Variants in CSMD1 observed in about 807,000 individuals in gnomAD.
The protein encoded by CSMD1 is CUB and sushi domain-containing protein 1.
CSMD1 carries 213 observed loss-of-function variants against 417.5 expected under a neutral mutation model. The observed-to-expected ratio is 0.51, with a 90% CI of 0.46 to 0.57. CSMD1 has a LOEUF of 0.57. Ranked by LOEUF, CSMD1 falls within the 20% of genes least tolerant of loss-of-function variation. The probability of loss-of-function intolerance (pLI) is 0.00; values close to 1 mark genes in which losing one functional copy is unlikely to be tolerated. For synonymous variants in CSMD1, 2,862 were observed against 1,736.8 expected (o/e 1.65, Z -16.11); for missense variants, 6,923 against 4,529.7 (o/e 1.53, Z -15.17).
chr8:4,444,047 G>A (rs561451073), intron 2 of CSMD1, among the ~76,000 whole-genome samples: 2 of 152,124 alleles, frequency 1.3e-5, no homozygotes, highest in African/African-American at 2.4e-5. Flanking sequence ...TTTGAGAAGA[G>A]TAAGATAGAG....
chr8:3,103,508 A>G (rs1373127033), intron 46 of CSMD1, among the ~76,000 whole-genome samples: 2 of 152,032 alleles, frequency 1.3e-5, no homozygotes, highest in Admixed American at 6.6e-5. Context: ...ACTCATCTCA[A>G]CATTGAAAAG....
intron 23 of CSMD1, among the ~76,000 whole-genome samples, chr8:3,321,771 T>C (rs552893500): frequency 6.6e-6 from 1 of 152,060 alleles, no homozygotes; most frequent in Non-Finnish European, 1.5e-5. Flanking sequence ...CAAAGTTAAC[T>C]GTATTTTCTA....
In CSMD1 at chr8:2,955,598, C is replaced by A. The variant is rs866383695; in HGVS notation, c.9985G>T (p.Val3329Leu). ...ADMKWTGKSP[V>L]CKSKGVREVN... Reference sequence around the variant, plus strand: ...TTGATCAATGACTTACTTTTACACACAGGCGACTTTCCTGTCCATTTCATG... The same window carrying A: ...TTGATCAATGACTTACTTTTACACAAAGGCGACTTTCCTGTCCATTTCATG... The change falls in exon 64 of 70, where the codon GTG becomes TTG. Residue 3329 changes from valine to leucine, a missense_variant. By Grantham distance (32) the Val-to-Leu change is conservative (BLOSUM62 1). Transcript: ENST00000635120. 6.2e-7 allele frequency: 1 copy of A among 1,613,526 alleles called. No individual in the cohort carries two copies. Among genetic ancestry groups the A allele is most frequent in the African/African-American group, 1.3e-5 (1 of 75,032 alleles).
At chr8:4,354,897 T>TGTGTGTGTGC (rs1801317759) in intron 3 of CSMD1, among the ~76,000 whole-genome samples, 1 of 150,312 alleles carries the variant, frequency 6.7e-6, no homozygotes, top group Non-Finnish European at 1.5e-5. Context: ...TGTGTGTGTG[T>TGTGTGTGTGC]GTGTGTGTGT....
rs6996291 is a variant in CSMD1 at position 4,790,803 on chromosome 8, C to G, written c.86-153245G>C. Among the ~76,000 whole-genome samples the G allele has an allele frequency of 6.6e-3, 1,012 of 152,258 alleles. 17 individuals carry two copies. The highest frequency in any genetic ancestry group is 0.024 in the African/African-American group (977 of 41,542). ...ATATGCAGAAGACCAAAACTAAATT[C>G]CTACCTTTCACCATATAAGAAAATC... is the stretch of plus-strand genomic sequence containing the variant. On this transcript the variant is annotated intron_variant, in intron 1 of 69. Transcript: ENST00000635120.
chr8:4,397,002 C>T (rs1012065914), intron 3 of CSMD1, among the ~76,000 whole-genome samples: 27 of 151,898 alleles, frequency 1.8e-4, no homozygotes, highest in African/African-American at 6.0e-4. Context: ...AACCAAACAC[C>T]ATCTGTTCCC....
At position 3,581,280 on chromosome 8, in the gene CSMD1, G is replaced by A. The variant is rs138299406; in HGVS notation, c.1222+4856C>T. ...ATACTCATACAGTTTTAAACAGCTCGTAATGTCTTACCCTGCAAAAAATCA... is the reference window on the plus strand; with the variant it reads ...ATACTCATACAGTTTTAAACAGCTCATAATGTCTTACCCTGCAAAAAATCA... On this transcript the variant is annotated intron_variant, in intron 9 of 69. Coordinates refer to ENST00000635120, the MANE Select transcript of CSMD1 (RefSeq NM_033225.6). Among the ~76,000 whole-genome samples the A allele has an allele frequency of 7.3e-3, 1,109 of 152,250 alleles. 14 individuals are homozygous for A. Among genetic ancestry groups the A allele is most frequent in the African/African-American group, 0.024 (978 of 41,550 alleles).
rs564497655 is a variant in CSMD1, at chr8:4,521,027, G to T, written c.303-100962C>A. ...GTTGCCCACTGCTGTTTCAACCATCGCATATAAAATTACTTACAGTCAGAA... is the reference window on the plus strand; with the variant it reads ...GTTGCCCACTGCTGTTTCAACCATCTCATATAAAATTACTTACAGTCAGAA... On this transcript the variant is annotated intron_variant, in intron 2 of 69. Coordinates refer to ENST00000635120, the MANE Select transcript of CSMD1 (RefSeq NM_033225.6). 7.2e-5 allele frequency among the ~76,000 whole-genome samples: 11 copies of T among 152,064 alleles called. No individual in the cohort carries two copies. In the South Asian group the frequency reaches 2.3e-3, roughly 32 times the overall value.
At chr8:3,871,555 G>C (rs1324823959) in intron 5 of CSMD1, among the ~76,000 whole-genome samples, 4 of 151,950 alleles carry the variant, frequency 2.6e-5, no homozygotes, top group Non-Finnish European at 4.4e-5. Context: ...AGTCTATTAG[G>C]TTATTATTAT....
At chr8:3,783,949 C>G (rs148908316) in intron 5 of CSMD1, among the ~76,000 whole-genome samples, 7 of 152,316 alleles carry the variant, frequency 4.6e-5, no homozygotes, top group South Asian at 2.1e-4. Flanking sequence ...TGCGATTTAC[C>G]TATTACCTGC....
At chr8:4,365,044 T>C (rs988557840) in intron 3 of CSMD1, among the ~76,000 whole-genome samples, 1 of 152,166 alleles carries the variant, frequency 6.6e-6, no homozygotes, top group African/African-American at 2.4e-5. Flanking sequence ...TCTCTTTCAA[T>C]TGTGAGGACA....
intron 1 of CSMD1, among the ~76,000 whole-genome samples, chr8:4,980,244 G>C (rs1810812448): frequency 6.6e-6 from 1 of 152,290 alleles, no homozygotes; most frequent in South Asian, 2.1e-4. Context: ...AGCTGCCTGG[G>C]TAATCTTAAG....
chr8:3,989,684 C>T (rs954582779), intron 5 of CSMD1, among the ~76,000 whole-genome samples: 25 of 152,274 alleles, frequency 1.6e-4, no homozygotes, highest in Admixed American at 9.8e-4. Context: ...TACTGTGATA[C>T]TCTAAAGAGA....
At position 2,986,010 on chromosome 8, in the gene CSMD1, AGAGG is replaced by A. The variant is rs200886258; in HGVS notation, c.8378-7214_8378-7211del. ...AGGGAAAGGGGAAGCGGAAGGGGAG[AGAGG>A]GAGGGAGGGAGAAAACCGTCTCCAT... On this transcript the variant is annotated intron_variant, in intron 54 of 69. Coordinates refer to ENST00000635120, the MANE Select transcript of CSMD1 (RefSeq NM_033225.6). Among the ~76,000 whole-genome samples, 865 of 129,528 alleles carry A rather than the reference AGAGG, an allele frequency of 6.7e-3. 12 individuals are homozygous for A. The highest frequency in any genetic ancestry group is 0.015 in the Middle Eastern group (4 of 262). 85.0% of individuals were successfully genotyped at this position (129,528 alleles called of 152,430 possible).
intron 39 of CSMD1, among the ~76,000 whole-genome samples, chr8:3,155,782 G>C (rs1819491556): frequency 6.6e-6 from 1 of 152,054 alleles, no homozygotes; most frequent in South Asian, 2.1e-4. Context: ...TGTCCTCTAA[G>C]GTATATTTTT....
intron 1 of CSMD1, among the ~76,000 whole-genome samples, chr8:4,709,866 G>C (rs1808180777): frequency 6.6e-6 from 1 of 152,130 alleles, no homozygotes; most frequent in African/African-American, 2.4e-5. Flanking sequence ...CAACGGAAAA[G>C]TCTCAATGAA....
At chr8:4,402,920 T>C (rs1804746446) in intron 3 of CSMD1, among the ~76,000 whole-genome samples, 1 of 146,928 alleles carries the variant, frequency 6.8e-6, no homozygotes, top group African/African-American at 2.5e-5. Context: ...CCTGGGTTCA[T>C]GCCATTCTCC....
chr8:3,347,003 T>G (rs1051945895), intron 22 of CSMD1, among the ~76,000 whole-genome samples: 2 of 152,222 alleles, frequency 1.3e-5, no homozygotes, highest in African/African-American at 4.8e-5. Flanking sequence ...ATATTTTGGC[T>G]TCCCTGTGCC....
intron 1 of CSMD1, among the ~76,000 whole-genome samples, chr8:4,901,155 TAAGA>T (rs1804846385): frequency 1.3e-5 from 2 of 152,238 alleles, no homozygotes; most frequent in African/African-American, 4.8e-5. Flanking sequence ...TCATCTGGGC[TAAGA>T]AAGATTTTCT....
Sources: gnomAD v4.1 joint callset for allele counts (sites outside exome capture counted in the v4.1 genomes callset) on GRCh38, gnomAD v4.1.1 for gene constraint, MANE v1.5 for transcripts, NCBI Gene and HGNC (gene_info 2026-07-23, HGNC 2026-07-21) for gene names.